DDR2: variants seen among roughly 807,000 people sequenced by gnomAD.
The protein encoded by DDR2 is discoidin domain receptor tyrosine kinase 2, also known as discoidin domain-containing receptor 2.
DDR2 carries 27 observed loss-of-function variants against 94.9 expected under a neutral mutation model. That is an observed-to-expected ratio of 0.28 (90% CI 0.21 to 0.39). The LOEUF is 0.39. Ranked by LOEUF, DDR2 falls within the 10% of genes least tolerant of loss-of-function variation. DDR2 has a pLI of 1.00. For missense variants in DDR2, 783 were observed against 1,076.0 expected, an observed-to-expected ratio of 0.73 and a Z score of 3.81; for synonymous variants, 382 against 377.2, an observed-to-expected ratio of 1.01 and a Z score of -0.15.
At chr1:162,705,767 A>G (rs568140720) in intron 2 of DDR2, among the ~76,000 whole-genome samples, 1 of 152,356 alleles carries the variant, frequency 6.6e-6, no homozygotes, top group Non-Finnish European at 1.5e-5. Context: ...GCTTACTGTC[A>G]TCTGGCTAAG....
intron 2 of DDR2, among the ~76,000 whole-genome samples, chr1:162,674,158 C>T (rs895743475): frequency 4.6e-5 from 7 of 152,108 alleles, no homozygotes; most frequent in African/African-American, 1.7e-4. Context: ...TTCTATTCTT[C>T]CCAAACTCAA....
chr1:162,726,113 G>A (rs767085628), intron 3 of DDR2, among the ~76,000 whole-genome samples: 3 of 152,186 alleles, frequency 2.0e-5, no homozygotes, highest in Non-Finnish European at 4.4e-5. Context: ...GGAAGAGTAA[G>A]AGAATATATG....
rs1663973993 is a variant in DDR2 at position 162,766,067 on chromosome 1, T to C, written c.1162+4T>C. The C allele has an allele frequency of 6.2e-7, 1 of 1,613,772 alleles. No individual in the cohort carries two copies. ...CCTATGGCACCCACAACCTATGGTA[T>C]ATGTGATTCCTAATTACACAAATTA... On this transcript the variant is annotated splice_donor_region_variant and intron_variant, in intron 10 of 17. Coordinates refer to ENST00000367921, the MANE Select transcript of DDR2 (RefSeq NM_006182.4).
At chr1:162,651,169 C>T (rs1657667893) in intron 1 of DDR2, among the ~76,000 whole-genome samples, 1 of 152,212 alleles carries the variant, frequency 6.6e-6, no homozygotes. Context: ...CACAGAGCTT[C>T]TCTGAGCCTG....
chr1:162,636,315 G>A (rs955430925), intron 1 of DDR2, among the ~76,000 whole-genome samples: 1 of 152,336 alleles, frequency 6.6e-6, no homozygotes, highest in Admixed American at 6.5e-5. Flanking sequence ...GCAATGCAAA[G>A]GTAGAGGAAT....
intron 2 of DDR2, among the ~76,000 whole-genome samples, chr1:162,686,200 A>ATT (rs559610554): frequency 4.0e-5 from 6 of 150,352 alleles, no homozygotes; most frequent in East Asian, 2.0e-4. Context: ...TAATTTTTGT[A>ATT]TTTTTTTTTT....
At chr1:162,707,143 A>T (rs16843702) in intron 2 of DDR2, among the ~76,000 whole-genome samples, 1 of 152,060 alleles carries the variant, frequency 6.6e-6, no homozygotes, top group Non-Finnish European at 1.5e-5. Context: ...AGAGCCTTCA[A>T]TCTTAGTGTC....
chr1:162,761,253 A>G lies in DDR2; in HGVS notation c.898A>G (p.Lys300Glu). 6.2e-7 allele frequency: 1 copy of G among 1,614,080 alleles called. No individual in the cohort carries two copies. The highest frequency in any genetic ancestry group is 8.5e-7 in the Non-Finnish European group (1 of 1,179,996). ...NMFAKGVKIF[K>E]EVQCYFRSEA... ...GTTTGCTAAAGGTGTGAAGATCTTT[A>G]AGGAGGTACAGTGCTACTTCCGCTC... is the stretch of plus-strand genomic sequence containing the variant. The change falls in exon 9 of 18, where the codon AAG (lysine) becomes GAG (glutamate). Residue 300 changes from lysine to glutamate, a missense_variant. Transcript: ENST00000367921.
In DDR2 at chr1:162,741,246, GTA is replaced by G. The variant is rs1558057481; in HGVS notation, c.83-11846_83-11845del. Among the ~76,000 whole-genome samples, 167 of 91,726 alleles carry G rather than the reference GTA, an allele frequency of 1.8e-3. 2 individuals carry two copies. The highest frequency in any genetic ancestry group is 5.0e-3 in the African/African-American group (120 of 24,120). 60.2% of individuals were successfully genotyped at this position (91,726 alleles called of 152,430 possible). On this transcript the variant is annotated intron_variant, in intron 3 of 17. Transcript: ENST00000367921. ...ATATAATATAATATAATATAATATA[GTA>G]TAATGTAATGTAATGTAATATAATA...
intron 3 of DDR2, among the ~76,000 whole-genome samples, chr1:162,737,921 AT>A (rs1662391944): frequency 6.6e-6 from 1 of 151,696 alleles, no homozygotes; most frequent in Admixed American, 6.6e-5. Context: ...GATAATGAGC[AT>A]TTTTTCATGT....
At chr1:162,770,121 T>C (rs1299733747) in intron 11 of DDR2, among the ~76,000 whole-genome samples, 181 bp from the exon 12 acceptor site, 3 of 152,306 alleles carry the variant, frequency 2.0e-5, no homozygotes, top group Middle Eastern at 3.4e-3. Flanking sequence ...AGGATTATTC[T>C]AAGTTCCTAC....
intron 9 of DDR2, 128 bp downstream of exon 9, chr1:162,761,582 A>G: frequency 1.4e-6 from 2 of 1,443,138 alleles, no homozygotes; most frequent in South Asian, 1.2e-5. Flanking sequence ...TCATTGACGG[A>G]TACGGTGAAT....
chr1:162,741,925 G>A (rs1170064709), intron 3 of DDR2, among the ~76,000 whole-genome samples: 2 of 152,200 alleles, frequency 1.3e-5, no homozygotes, highest in Admixed American at 6.5e-5. Flanking sequence ...AGGCCCCTGA[G>A]AGGGCCATTT....
At chr1:162,729,296 A>ATTTTT (rs1271719479) in intron 3 of DDR2, among the ~76,000 whole-genome samples, 1 of 33,054 alleles carries the variant, frequency 3.0e-5, no homozygotes, top group African/African-American at 7.5e-5. Flanking sequence ...ATATATATAT[A>ATTTTT]TATATTTTTT....
chr1:162,684,298 G>A (rs978880636), intron 2 of DDR2, among the ~76,000 whole-genome samples: 1 of 152,062 alleles, frequency 6.6e-6, no homozygotes, highest in African/African-American at 2.4e-5. Context: ...ATTTGACAAG[G>A]ATGATAAAAT....
chr1:162,776,191 T>C lies in DDR2; in HGVS notation c.2104T>C (p.Ser702Pro). Residue 702 changes from serine to proline, a missense_variant, in exon 16 of 18, where the codon TCC (serine) becomes CCC (proline). Ser to Pro is a moderately conservative substitution (Grantham distance 74). Around this residue, in one of 2 missense-constraint regions of DDR2, gnomAD observed 264 missense variants for 428.2 expected, o/e 0.62. Coordinates refer to ENST00000367921, the MANE Select transcript of DDR2 (RefSeq NM_006182.4). Reference sequence around the variant, plus strand: ...AATTGCCTCTGGCATGAAGTACCTTTCCTCTCTTAATTTTGTTCACCGAGA... The same window carrying C: ...AATTGCCTCTGGCATGAAGTACCTTCCCTCTCTTAATTTTGTTCACCGAGA... ...TQIASGMKYLSSLNFVHRDLA... is the reference protein window; with the variant it reads ...TQIASGMKYLPSLNFVHRDLA... 6.2e-7 allele frequency: 1 copy of C among 1,614,032 alleles called. No individual in the cohort carries two copies. The highest frequency in any genetic ancestry group is 8.5e-7 in the Non-Finnish European group (1 of 1,179,970).
At chr1:162,690,653 T>TTTTTTTTTTTTTTTTTTTTTTTTTGAG (rs1558029074) in intron 2 of DDR2, among the ~76,000 whole-genome samples, 1 of 152,216 alleles carries the variant, frequency 6.6e-6, no homozygotes, top group Non-Finnish European at 1.5e-5. Flanking sequence ...CACATCTTTT[T>TTTTTTTTTTTTTTTTTTTTTTTTTGAG]ATAAACATAA....
chr1:162,700,036 G>GCATCTGCAACTCTGTTTTCAAACAAAT (rs1660361727), intron 2 of DDR2, among the ~76,000 whole-genome samples: 1 of 152,146 alleles, frequency 6.6e-6, no homozygotes, highest in Non-Finnish European at 1.5e-5. Context: ...TTCAAACAAA[G>GCATCTGCAACTCTGTTTTCAAACAAAT]CATCTGCAAC....
At chr1:162,763,812 A>T (rs1445227082) in intron 9 of DDR2, among the ~76,000 whole-genome samples, 1 of 152,198 alleles carries the variant, frequency 6.6e-6, no homozygotes, top group African/African-American at 2.4e-5. Flanking sequence ...TGTTACTTCC[A>T]ATTCAAATTA....
Sources: gnomAD v4.1 joint callset for allele counts (sites outside exome capture counted in the v4.1 genomes callset) on GRCh38, gnomAD v4.1.1 for gene constraint, gnomAD v4.1.1 regional missense constraint, MANE v1.5 for transcripts, NCBI Gene and HGNC (gene_info 2026-07-23, HGNC 2026-07-21) for gene names.